YPEL2: variants seen among roughly 807,000 people sequenced by gnomAD.
YPEL2 encodes protein yippee-like 2.
YPEL2 carries 2 observed loss-of-function variants against 19.1 expected under a neutral mutation model. That is an observed-to-expected ratio of 0.10 (90% CI 0.04 to 0.33). The LOEUF (loss-of-function observed/expected upper bound fraction) is 0.33, where lower values mean the gene tolerates loss of function less well. Ranked by LOEUF, YPEL2 falls within the 10% of genes least tolerant of loss-of-function variation. The pLI, the probability that YPEL2 is intolerant of heterozygous loss-of-function variation, is 1.00. For synonymous variants in YPEL2, 52 were observed against 50.0 expected, an observed-to-expected ratio of 1.04 and a Z score of -0.17; for missense variants, 66 against 140.7, an observed-to-expected ratio of 0.47 and a Z score of 2.68.
At chr17:59,352,504 C>A (rs2047792555) in intron 1 of YPEL2, among the ~76,000 whole-genome samples, 1 of 152,134 alleles carries the variant, frequency 6.6e-6, no homozygotes, top group Non-Finnish European at 1.5e-5. Context: ...TTCACTGTTA[C>A]TGTGAATTTT....
At chr17:59,380,916 G>T (rs751809354) in intron 2 of YPEL2, among the ~76,000 whole-genome samples, 8 of 152,214 alleles carry the variant, frequency 5.3e-5, no homozygotes, top group Non-Finnish European at 1.2e-4. Context: ...GCCTTTTGGC[G>T]TAATAGAGAA....
intron 1 of YPEL2, among the ~76,000 whole-genome samples, chr17:59,340,965 T>C (rs554161558): frequency 1.9e-4 from 28 of 146,818 alleles, no homozygotes; most frequent in African/African-American, 7.0e-4. Context: ...TCTGCCCGCC[T>C]CAGCATCTCA....
chr17:59,395,578 AGTATGAC>A (rs2147961571), intron 4 of YPEL2, among the ~76,000 whole-genome samples: 1 of 152,276 alleles, frequency 6.6e-6, no homozygotes, highest in South Asian at 2.1e-4. Flanking sequence ...CCAGGTGGTT[AGTATGAC>A]GTTCTCCCTC....
At chr17:59,333,785 G>A (rs2047684534) in intron 1 of YPEL2, among the ~76,000 whole-genome samples, 1 of 152,120 alleles carries the variant, frequency 6.6e-6, no homozygotes, top group Non-Finnish European at 1.5e-5. Context: ...AGTTTGTCAG[G>A]CTACTCCGCA....
At chr17:59,370,496 T>C (rs1165561454) in intron 2 of YPEL2, among the ~76,000 whole-genome samples, 1 of 152,202 alleles carries the variant, frequency 6.6e-6, no homozygotes, top group Non-Finnish European at 1.5e-5. Context: ...GAATGTAAAT[T>C]CAGGCCTGAT....
At position 59,353,928 on chromosome 17, in the gene YPEL2, TGA is replaced by T. The variant is rs2047799755; in HGVS notation, c.117+408_117+409del. 6.8e-6 allele frequency: 2 copies of T among 295,372 alleles called. No homozygotes were observed. The highest frequency in any genetic ancestry group is 4.4e-5 in the African/African-American group (2 of 45,342). The allele number at this position is 295,372 out of a possible 1,614,324, so 18.3% of individuals were successfully genotyped here. A position where few individuals can be genotyped will look rare whatever the true frequency, so the allele number is the denominator to read the frequency against. On this transcript the variant is annotated intron_variant, in intron 2 of 4. Coordinates refer to ENST00000312655, the MANE Select transcript of YPEL2 (RefSeq NM_001005404.4). This position sits in a 1 kb window ranked among gnomAD's most constrained non-coding sequence, Gnocchi z 4.8. ...TTGTAAGAGGGGTTCCTTAGCAAGA[TGA>T]GAGAGCCACCAGGAAGTTGTGAGAC...
At position 59,398,220 on chromosome 17, in the gene YPEL2, A is replaced by C. The variant is rs999164303; in HGVS notation, c.*1030A>C. On this transcript the variant is annotated 3_prime_UTR_variant, in exon 5 of 5. Transcript: ENST00000312655. The stretch of plus-strand genomic sequence containing the variant: ...GGGACTGGGTAGGGGTCATCCCAGG[A>C]GGAGGGGTTTACATTGGAACCAGTT... 2 of 152,130 alleles carry C rather than the reference A, an allele frequency of 1.3e-5. No homozygotes were observed. Among genetic ancestry groups the C allele is most frequent in the African/African-American group, 4.8e-5 (2 of 41,420 alleles). The allele number at this position is 152,130 out of a possible 1,614,324, so 9.4% of individuals were successfully genotyped here.
At chr17:59,348,517 C>T (rs1008999272) in intron 1 of YPEL2, among the ~76,000 whole-genome samples, 5 of 152,238 alleles carry the variant, frequency 3.3e-5, no homozygotes, top group Admixed American at 3.3e-4. Flanking sequence ...GCCAGGTTGG[C>T]ATGTGCTCCC....
chr17:59,337,210 C>G (rs1272946726), intron 1 of YPEL2, among the ~76,000 whole-genome samples: 2 of 137,168 alleles, frequency 1.5e-5, no homozygotes, highest in Admixed American at 1.5e-4. Flanking sequence ...TTGTTTGAGA[C>G]GGAGTCTCGC....
At chr17:59,356,885 C>T (rs888620187) in intron 2 of YPEL2, among the ~76,000 whole-genome samples, 1 of 152,160 alleles carries the variant, frequency 6.6e-6, no homozygotes, top group Non-Finnish European at 1.5e-5. Context: ...AAGAGCTTTG[C>T]CCTGATGACC....
At chr17:59,344,692 C>G (rs999727709) in intron 1 of YPEL2, among the ~76,000 whole-genome samples, 1 of 152,036 alleles carries the variant, frequency 6.6e-6, no homozygotes, top group African/African-American at 2.4e-5. Context: ...TGGAAGGCAG[C>G]GGTTGCAGTG....
chr17:59,374,412 C>G (rs1370281879), intron 2 of YPEL2, among the ~76,000 whole-genome samples: 1 of 152,184 alleles, frequency 6.6e-6, no homozygotes, highest in East Asian at 1.9e-4. Flanking sequence ...TTCCTTGATA[C>G]TGTTTCACAT....
chr17:59,347,714 G>T (rs1476165488), intron 1 of YPEL2, among the ~76,000 whole-genome samples: 10 of 152,312 alleles, frequency 6.6e-5, no homozygotes, highest in South Asian at 6.2e-4. Context: ...CTTGAAAAGA[G>T]AATTCTAGAT....
chr17:59,388,242 C>G (rs1330565645), intron 2 of YPEL2, 85 bp from the exon 3 acceptor site: 4 of 1,334,436 alleles, frequency 3.0e-6, no homozygotes, highest in Non-Finnish European at 4.3e-6. Context: ...CCTGGAAGGT[C>G]ATGCTTAACT....
chr17:59,385,809 G>GTTCAAAAAAGTTGTTTATAGAA (rs2047976953), intron 2 of YPEL2, among the ~76,000 whole-genome samples: 1 of 152,014 alleles, frequency 6.6e-6, no homozygotes, highest in Non-Finnish European at 1.5e-5. Context: ...GTCACTTATA[G>GTTCAAAAAAGTTGTTTATAGAA]TTCAAAAAAG....
Position 59,368,016 on chromosome 17 carries a change from G to T in YPEL2, c.117+14490G>T, listed in dbSNP as rs145678921. 4.1e-3 allele frequency among the ~76,000 whole-genome samples: 623 copies of T among 152,216 alleles called. 12 individuals carry two copies. The highest frequency in any genetic ancestry group is 1.6e-3 in the Non-Finnish European group (106 of 68,006). On this transcript the variant is annotated intron_variant, in intron 2 of 4. Transcript: ENST00000312655. ...GTCACTTAACCTCCCTCATCACCCTGCATATATTAAATCCTACTGTATGAA... is the reference window on the plus strand; with the variant it reads ...GTCACTTAACCTCCCTCATCACCCTTCATATATTAAATCCTACTGTATGAA...
At chr17:59,373,704 G>C (rs1210081028) in intron 2 of YPEL2, among the ~76,000 whole-genome samples, 1 of 152,142 alleles carries the variant, frequency 6.6e-6, no homozygotes, top group Non-Finnish European at 1.5e-5. Flanking sequence ...TGGACACTTG[G>C]GTTTCCCTGT....
intron 4 of YPEL2, among the ~76,000 whole-genome samples, chr17:59,391,437 A>T (rs1202585376): frequency 6.6e-6 from 1 of 152,142 alleles, no homozygotes; most frequent in Non-Finnish European, 1.5e-5. Flanking sequence ...ATATTTACAC[A>T]CATATAAAAT....
chr17:59,372,711 T>C (rs550041313), intron 2 of YPEL2, among the ~76,000 whole-genome samples: 1 of 152,312 alleles, frequency 6.6e-6, no homozygotes, highest in South Asian at 2.1e-4. Flanking sequence ...AGCAGATGCC[T>C]AAGAGAGGCA....
Sources: allele counts gnomAD v4.1 joint callset (sites outside exome capture counted in the v4.1 genomes callset), GRCh38; gene constraint gnomAD v4.1.1; non-coding constraint Gnocchi (gnomAD v3.1); transcripts MANE v1.5; gene names NCBI Gene and HGNC (gene_info 2026-07-23, HGNC 2026-07-21).